The following ZSWIM6 variants were observed in gnomAD, a reference collection of about 807,000 sequenced individuals.
The protein encoded by ZSWIM6 is zinc finger SWIM-type containing 6.
A neutral mutation model predicts 113.2 loss-of-function variants in ZSWIM6; 9 were observed. The ratio of observed to expected loss-of-function variants is 0.08; its 90% CI spans 0.05 to 0.14. The LOEUF is 0.14. ZSWIM6 is among the 10% of genes least tolerant of loss of function. The pLI is 1.00. For synonymous variants in ZSWIM6, 611 were observed against 606.5 expected (o/e 1.01, Z -0.11); for missense variants, 1,162 against 1,552.2 (o/e 0.75, Z 4.22).
At chr5:61,352,559 A>T (rs565973696) in intron 1 of ZSWIM6, among the ~76,000 whole-genome samples, 1 of 152,338 alleles carries the variant, frequency 6.6e-6, no homozygotes, top group Non-Finnish European at 1.5e-5. Context: ...AGAATATGCC[A>T]GTTTGAAAAA....
intron 12 of ZSWIM6, among the ~76,000 whole-genome samples, chr5:61,541,100 C>T (rs2112292823): frequency 6.6e-6 from 1 of 152,058 alleles, no homozygotes; most frequent in East Asian, 1.9e-4. Context: ...CACGCCACCA[C>T]ACCTGGCTAA....
At position 61,472,792 on chromosome 5, in the gene ZSWIM6, G is replaced by C; in HGVS notation, c.788G>C (p.Ser263Thr). The C allele has an allele frequency of 1.3e-6, 2 of 1,551,812 alleles. No homozygotes were observed. ...DRCKITSVTC[S>T]CGNKDIFYCA... ...TGCAAGATTACCTCAGTGACCTGCA[G>C]CTGTGGAAACAAGGACATATTTTAT... The change falls in exon 2 of 14, where the codon AGC (serine) becomes ACC (threonine). Residue 263 changes from serine to threonine, a missense_variant. Ser to Thr is a moderately conservative substitution (Grantham distance 58). This residue lies in a region of ZSWIM6 where 96 missense variants were observed against 240.3 expected (regional missense o/e 0.40). Coordinates refer to ENST00000252744, the MANE Select transcript of ZSWIM6 (RefSeq NM_020928.2). This position sits in a 1 kb window ranked among gnomAD's most constrained non-coding sequence, Gnocchi z 4.1.
At chr5:61,450,031 T>C (rs999817428) in intron 1 of ZSWIM6, among the ~76,000 whole-genome samples, 5 of 152,216 alleles carry the variant, frequency 3.3e-5, no homozygotes, top group African/African-American at 1.2e-4. Flanking sequence ...AATGAAAGAA[T>C]AGTTTCCTTT....
intron 1 of ZSWIM6, among the ~76,000 whole-genome samples, chr5:61,462,910 A>C (rs1484176707): frequency 6.6e-6 from 1 of 152,102 alleles, no homozygotes; most frequent in Non-Finnish European, 1.5e-5. Context: ...TTCCAGTCCT[A>C]CCCCACCTTG....
intron 5 of ZSWIM6, 120 bp from the exon 6 acceptor site, chr5:61,525,680 A>T: frequency 8.6e-7 from 1 of 1,161,022 alleles, no homozygotes; most frequent in Non-Finnish European, 1.2e-6. Context: ...CCTTCTGCTT[A>T]GGGGGTGCAG....
At chr5:61,444,689 G>T (rs1299165089) in intron 1 of ZSWIM6, among the ~76,000 whole-genome samples, 4 of 152,146 alleles carry the variant, frequency 2.6e-5, no homozygotes, top group Non-Finnish European at 5.9e-5. Flanking sequence ...GTGTGTTTTT[G>T]ATATTAATGT....
At position 61,525,695 on chromosome 5, in the gene ZSWIM6, ATG is replaced by A; in HGVS notation, c.1514-98_1514-97del. The A allele has an allele frequency of 3.0e-6, 4 of 1,324,686 alleles. No individual in the cohort carries two copies. In the South Asian group the frequency reaches 4.2e-5, roughly 14 times the overall value. 82.1% of individuals were successfully genotyped at this position (1,324,686 alleles called of 1,614,324 possible). A position where few individuals can be genotyped will look rare whatever the true frequency, so the allele number is the denominator to read the frequency against. ...CCTTCTGCTTAGGGGGTGCAGGACA[ATG>A]TGTGTGGGTGTGTTCATGAACATCT... On this transcript the variant is annotated intron_variant, in intron 5 of 13. Transcript: ENST00000252744.
chr5:61,383,552 T>C (rs1440159524), intron 1 of ZSWIM6, among the ~76,000 whole-genome samples: 1 of 152,198 alleles, frequency 6.6e-6, no homozygotes, highest in Non-Finnish European at 1.5e-5. Flanking sequence ...CTTTTTTTTT[T>C]TGAGACGGAA....
chr5:61,500,771 G>C (rs1295190450), intron 4 of ZSWIM6, among the ~76,000 whole-genome samples: 1 of 152,096 alleles, frequency 6.6e-6, no homozygotes, highest in Non-Finnish European at 1.5e-5. Context: ...TGTAGTATGG[G>C]GTACTACTGT....
At chr5:61,373,934 AT>A (rs1314916706) in intron 1 of ZSWIM6, among the ~76,000 whole-genome samples, 1 of 152,206 alleles carries the variant, frequency 6.6e-6, no homozygotes, top group African/African-American at 2.4e-5. Flanking sequence ...AGCTCACTTT[AT>A]GCATATGTGT....
chr5:61,406,156 G>A (rs933644669), intron 1 of ZSWIM6, among the ~76,000 whole-genome samples: 3 of 152,158 alleles, frequency 2.0e-5, no homozygotes, highest in African/African-American at 7.2e-5. Context: ...CTGCAGGTCT[G>A]TGTCATTTTG....
chr5:61,454,478 ACTC>A (rs1207996356), intron 1 of ZSWIM6, among the ~76,000 whole-genome samples: 2 of 145,928 alleles, frequency 1.4e-5, no homozygotes, highest in Non-Finnish European at 3.0e-5. Context: ...CTGTTCTTGA[ACTC>A]CTGGGCTCAG....
At chr5:61,515,307 A>C (rs1460417483) in intron 4 of ZSWIM6, among the ~76,000 whole-genome samples, 1 of 151,620 alleles carries the variant, frequency 6.6e-6, no homozygotes, top group Non-Finnish European at 1.5e-5. Context: ...TTTTTTTTGT[A>C]TTTTTAGTTG....
intron 1 of ZSWIM6, among the ~76,000 whole-genome samples, chr5:61,337,622 A>G (rs1744431095): frequency 1.3e-5 from 2 of 152,250 alleles, no homozygotes; most frequent in Admixed American, 6.5e-5. Flanking sequence ...GAAAAGATGA[A>G]TTAGATTTAT....
rs1445934699 is a variant in ZSWIM6, at chr5:61,490,826, A to G, written c.1074A>G (p.Glu358=). The G allele has an allele frequency of 5.2e-6, 8 of 1,547,338 alleles. No individual in the cohort carries two copies. In the South Asian group the frequency reaches 9.6e-5, roughly 19 times the overall value. ...CAGCAGGTGCTAGTATAGATGATGAAAACTGCTGGCACTTAGATGAAGAGC... is the reference window on the plus strand; with the variant it reads ...CAGCAGGTGCTAGTATAGATGATGAGAACTGCTGGCACTTAGATGAAGAGC... ...DPTAGASIDD[E]NCWHLDEEQV... The change falls in exon 3 of 14, where the codon GAA becomes GAG. Residue 358 remains glutamate (E), a synonymous_variant. Coordinates refer to ENST00000252744, the MANE Select transcript of ZSWIM6 (RefSeq NM_020928.2).
chr5:61,429,871 A>G (rs1326236326), intron 1 of ZSWIM6, among the ~76,000 whole-genome samples: 1 of 152,116 alleles, frequency 6.6e-6, no homozygotes, highest in African/African-American at 2.4e-5. Context: ...TATCCCCAGG[A>G]TTTGTACAGA....
chr5:61,449,149 G>A (rs2112155632), intron 1 of ZSWIM6, among the ~76,000 whole-genome samples: 1 of 152,260 alleles, frequency 6.6e-6, no homozygotes, highest in South Asian at 2.1e-4. Flanking sequence ...CAGTAATTTA[G>A]AAAGTACCTA....
Position 61,505,710 on chromosome 5 carries a change from T to TCCTTCCTC in ZSWIM6, c.1333+11307_1333+11308insCCCTTCCT. Among the ~76,000 whole-genome samples, 4 of 96,344 alleles carry TCCTTCCTC rather than the reference T, an allele frequency of 4.2e-5. No homozygotes were observed. The East Asian group carries it at 8.6e-4, about 21-fold the overall frequency. The allele number at this position is 96,344 out of a possible 152,430, so 63.2% of individuals were successfully genotyped here. On this transcript the variant is annotated intron_variant, in intron 4 of 13. Transcript: ENST00000252744. Reference sequence around the variant, plus strand: ...TCCCTCCCTCCCTTCCTTCCTCCCTTCCTTCCTTCCTTCCTTCCCTCTCTC... The same window carrying TCCTTCCTC: ...TCCCTCCCTCCCTTCCTTCCTCCCTTCCTTCCTCCCTTCCTTCCTTCCTTCCCTCTCTC...
At chr5:61,382,539 C>T (rs913148751) in intron 1 of ZSWIM6, among the ~76,000 whole-genome samples, 8 of 152,174 alleles carry the variant, frequency 5.3e-5, no homozygotes, top group African/African-American at 9.7e-5. Flanking sequence ...CGCAGTGGCT[C>T]ATGCCCATAA....
Sources: allele counts gnomAD v4.1 joint callset (sites outside exome capture counted in the v4.1 genomes callset), GRCh38; gene constraint gnomAD v4.1.1; regional missense constraint gnomAD v4.1.1; non-coding constraint Gnocchi (gnomAD v3.1); transcripts MANE v1.5; gene names NCBI Gene and HGNC (gene_info 2026-07-23, HGNC 2026-07-21).